Variants in DCLK1 observed in about 807,000 individuals in gnomAD.
DCLK1 encodes the protein serine/threonine-protein kinase DCLK1.
DCLK1 carries 16 observed loss-of-function variants against 86.2 expected under a neutral mutation model. The ratio of observed to expected loss-of-function variants is 0.19; its 90% CI spans 0.13 to 0.28. The LOEUF is 0.28. Ranked by LOEUF, DCLK1 falls within the 10% of genes least tolerant of loss-of-function variation. DCLK1 has a pLI of 1.00. For synonymous variants in DCLK1, 369 were observed against 370.5 expected (o/e 1.00, Z 0.05); for missense variants, 590 against 940.2 (o/e 0.63, Z 4.87).
intron 4 of DCLK1, among the ~76,000 whole-genome samples, chr13:35,906,455 C>T (rs938583954): frequency 2.0e-5 from 3 of 152,020 alleles, no homozygotes; most frequent in African/African-American, 7.2e-5. Context: ...AGAATGGTTA[C>T]TTCTGGTGTG....
At chr13:35,867,817 T>A (rs1871902880) in intron 5 of DCLK1, among the ~76,000 whole-genome samples, 1 of 132,090 alleles carries the variant, frequency 7.6e-6, no homozygotes, top group Admixed American at 8.1e-5. Context: ...AAGAATCTGA[T>A]CCATTCCCCA....
chr13:35,850,505 T>A, intron 6 of DCLK1: 2 of 1,213,492 alleles, frequency 1.6e-6, no homozygotes, highest in Non-Finnish European at 1.0e-6. Context: ...CTCTCCCCAA[T>A]CAAATCCATG....
In DCLK1 at chr13:36,059,884, T is replaced by C. The variant is rs28672719; in HGVS notation, c.723+51985A>G. 2.5e-3 allele frequency among the ~76,000 whole-genome samples: 338 copies of C among 133,748 alleles called. 2 individuals carry two copies. Among genetic ancestry groups the C allele is most frequent in the Non-Finnish European group, 3.7e-3 (227 of 61,202 alleles). 87.7% of individuals were successfully genotyped at this position (133,748 alleles called of 152,430 possible). ...CTTAAATCTCTTTTTTTTTTTTTTT[T>C]CTTTGAGACAGAGTTTTGCTCTTGT... is the stretch of plus-strand genomic sequence containing the variant. On this transcript the variant is annotated intron_variant, in intron 3 of 16. Transcript: ENST00000360631.
intron 3 of DCLK1, among the ~76,000 whole-genome samples, chr13:35,987,750 T>C (rs149607969): frequency 9.9e-5 from 15 of 152,188 alleles, no homozygotes; most frequent in African/African-American, 3.6e-4. Context: ...GGAGCCAAGA[T>C]AGAGTCCCAG....
chr13:35,915,211 GT>G (rs928007395), intron 4 of DCLK1, among the ~76,000 whole-genome samples: 4 of 152,152 alleles, frequency 2.6e-5, no homozygotes, highest in African/African-American at 9.7e-5. Flanking sequence ...AAAAAATTAT[GT>G]TTTTTCAGAG....
intron 3 of DCLK1, among the ~76,000 whole-genome samples, chr13:36,106,809 A>T (rs1418860834): frequency 6.6e-6 from 1 of 152,172 alleles, no homozygotes; most frequent in African/African-American, 2.4e-5. Flanking sequence ...TATGCTTATC[A>T]ACTCCTATAG....
intron 3 of DCLK1, among the ~76,000 whole-genome samples, chr13:35,964,935 G>A (rs1047205200): frequency 6.6e-6 from 1 of 152,138 alleles, no homozygotes; most frequent in African/African-American, 2.4e-5. Flanking sequence ...CAGATACAAA[G>A]ACAGAGTTGA....
intron 3 of DCLK1, among the ~76,000 whole-genome samples, chr13:36,075,114 A>G (rs1283505196): frequency 1.3e-5 from 2 of 152,200 alleles, no homozygotes; most frequent in Non-Finnish European, 2.9e-5. Context: ...TGGCAAATAC[A>G]TTTTTAGGAT....
intron 4 of DCLK1, among the ~76,000 whole-genome samples, chr13:35,906,455 C>G (rs938583954): frequency 1.3e-5 from 2 of 152,020 alleles, no homozygotes; most frequent in Non-Finnish European, 2.9e-5. Flanking sequence ...AGAATGGTTA[C>G]TTCTGGTGTG....
chr13:36,131,660 C>A (rs926930813), upstream of DCLK1, among the ~76,000 whole-genome samples: 3 of 152,196 alleles, frequency 2.0e-5, no homozygotes, highest in African/African-American at 4.8e-5. Flanking sequence ...TGGAAGAGAA[C>A]GTGGACAGGG....
chr13:36,022,227 C>T (rs77847809), intron 3 of DCLK1, among the ~76,000 whole-genome samples: 3,651 of 151,730 alleles, frequency 0.024, 43 homozygotes, highest in South Asian at 0.059. Context: ...TCAAGATGAA[C>T]GAAAATGAAA....
chr13:35,788,118 C>A, intron 16 of DCLK1: 1 of 1,203,382 alleles, frequency 8.3e-7, no homozygotes, highest in South Asian at 1.2e-5. Context: ...GATAACAAAT[C>A]AAAAGCATGT....
chr13:35,924,962 G>A (rs975529366), intron 4 of DCLK1, among the ~76,000 whole-genome samples: 35 of 152,126 alleles, frequency 2.3e-4, no homozygotes, highest in African/African-American at 7.2e-4. Flanking sequence ...GAGACCATAT[G>A]GCCCAAGAAG....
In DCLK1 at chr13:35,796,683, A is replaced by G. The variant is rs115208771; in HGVS notation, c.1945-3204T>C. Among the ~76,000 whole-genome samples the G allele has an allele frequency of 2.9e-3, 445 of 152,306 alleles. 5 individuals carry two copies. The highest frequency in any genetic ancestry group is 0.01 in the African/African-American group (431 of 41,562). Reference sequence around the variant, plus strand: ...TTTGCTCCACGTCACATAGCTAGAAAGTGGTTGAGTCAGCATTGAACCAGG... The same window carrying G: ...TTTGCTCCACGTCACATAGCTAGAAGGTGGTTGAGTCAGCATTGAACCAGG... On this transcript the variant is annotated intron_variant, in intron 15 of 16. Transcript: ENST00000360631.
chr13:35,844,709 A>T (rs1405023391), intron 6 of DCLK1, among the ~76,000 whole-genome samples: 1 of 152,190 alleles, frequency 6.6e-6, no homozygotes, highest in East Asian at 1.9e-4. Flanking sequence ...TTTTATGTTA[A>T]ACTCTGGTTA....
At chr13:35,886,924 G>A (rs1873303438) in intron 4 of DCLK1, among the ~76,000 whole-genome samples, 1 of 152,172 alleles carries the variant, frequency 6.6e-6, no homozygotes, top group African/African-American at 2.4e-5. Flanking sequence ...ACACTTGCTA[G>A]GAGCTTCAGT....
In DCLK1 at chr13:35,768,760, A is replaced by T. The variant is rs2153096016; in HGVS notation, c.*5775T>A. On this transcript the variant is annotated 3_prime_UTR_variant, in exon 17 of 17. Transcript: ENST00000360631. ...TAGCTGTTTTTGAATTATGCTCATG[A>T]AATACACACTGTGCTATGGAGGACA... 6.6e-6 allele frequency: 1 copy of T among 152,354 alleles called. No homozygotes were observed. The highest frequency in any genetic ancestry group is 2.4e-5 in the African/African-American group (1 of 41,578). 9.4% of individuals were successfully genotyped at this position (152,354 alleles called of 1,614,324 possible). A position where few individuals can be genotyped will look rare whatever the true frequency, so the allele number is the denominator to read the frequency against.
At chr13:36,085,158 C>T (rs1409417653) in intron 3 of DCLK1, among the ~76,000 whole-genome samples, 1 of 152,082 alleles carries the variant, frequency 6.6e-6, no homozygotes, top group Non-Finnish European at 1.5e-5. Context: ...AATTTTTTCT[C>T]CCCAGAGAAG....
At chr13:36,073,024 G>A (rs776559094) in intron 3 of DCLK1, among the ~76,000 whole-genome samples, 2 of 152,094 alleles carry the variant, frequency 1.3e-5, no homozygotes, top group Non-Finnish European at 2.9e-5. Context: ...AACAGCCTAC[G>A]AGAAGCAAAG....
Sources: gnomAD v4.1 joint callset for allele counts (sites outside exome capture counted in the v4.1 genomes callset) on GRCh38, gnomAD v4.1.1 for gene constraint, MANE v1.5 for transcripts, NCBI Gene and HGNC (gene_info 2026-07-23, HGNC 2026-07-21) for gene names.